Variants in PTPRD observed in about 807,000 individuals in gnomAD.
PTPRD encodes receptor-type tyrosine-protein phosphatase delta.
PTPRD carries 34 observed loss-of-function variants against 214.5 expected under a neutral mutation model. The observed-to-expected ratio is 0.16, with a 90% CI of 0.12 to 0.21. PTPRD has a LOEUF of 0.21. Ranked by LOEUF, PTPRD falls within the 10% of genes least tolerant of loss-of-function variation. The pLI is 1.00. For missense variants in PTPRD, 2,545 were observed against 2,398.7 expected, an observed-to-expected ratio of 1.06 and a Z score of -1.27; for synonymous variants, 1,128 against 845.7, an observed-to-expected ratio of 1.33 and a Z score of -5.79.
At chr9:8,774,030 A>G (rs886401837) in intron 11 of PTPRD, among the ~76,000 whole-genome samples, 42 of 152,276 alleles carry the variant, frequency 2.8e-4, no homozygotes, top group African/African-American at 9.9e-4. Context: ...GCCATCTATT[A>G]TCCAATCTCC....
At chr9:9,948,988 C>T (rs550973752) in intron 4 of PTPRD, among the ~76,000 whole-genome samples, 2 of 151,984 alleles carry the variant, frequency 1.3e-5, no homozygotes, top group Admixed American at 1.3e-4. Flanking sequence ...GCAATGTCAG[C>T]ATGGGGGGGC....
intron 44 of PTPRD, among the ~76,000 whole-genome samples, chr9:8,322,315 G>C (rs1829201338): frequency 1.3e-5 from 2 of 152,132 alleles, no homozygotes; most frequent in African/African-American, 4.8e-5. Context: ...TTAAAGCCCA[G>C]ATGTGCTGAA....
At chr9:8,485,634 T>C (rs2096985101) in intron 28 of PTPRD, 128 bp downstream of exon 28, 7 of 864,186 alleles carry the variant, frequency 8.1e-6, no homozygotes, top group Admixed American at 2.9e-5. Flanking sequence ...TTTTACATAC[T>C]TTACCTTTTT....
chr9:8,433,720 C>G (rs528639795), intron 35 of PTPRD, among the ~76,000 whole-genome samples: 35 of 152,106 alleles, frequency 2.3e-4, no homozygotes, highest in African/African-American at 8.4e-4. Context: ...GTGTTTTAAG[C>G]TAAGTGATAT....
In PTPRD at chr9:8,614,674, T is replaced by A. The variant is rs376266058; in HGVS notation, c.352+18643A>T. Among the ~76,000 whole-genome samples, 4 of 152,238 alleles carry A rather than the reference T, an allele frequency of 2.6e-5. No individual in the cohort carries two copies. The South Asian group carries it at 8.3e-4, about 32-fold the overall frequency. On this transcript the variant is annotated intron_variant, in intron 14 of 45. Coordinates refer to ENST00000381196, the MANE Select transcript of PTPRD (RefSeq NM_002839.4). ...GAAATAAGAGGGCATATAAGGGATCTGGCACATTGGGATCTTGGACCTTTA... is the reference window on the plus strand; with the variant it reads ...GAAATAAGAGGGCATATAAGGGATCAGGCACATTGGGATCTTGGACCTTTA...
intron 14 of PTPRD, among the ~76,000 whole-genome samples, chr9:8,631,795 G>A (rs1222458077): frequency 1.3e-5 from 2 of 151,504 alleles, no homozygotes; most frequent in Non-Finnish European, 1.5e-5. Context: ...TCCCTCCCTT[G>A]TTTTTAGCAA....
chr9:8,376,971 T>G (rs1273707529), intron 37 of PTPRD, among the ~76,000 whole-genome samples: 1 of 152,138 alleles, frequency 6.6e-6, no homozygotes, highest in Non-Finnish European at 1.5e-5. Context: ...GAAAAATAAG[T>G]TGCAGATTGT....
chr9:9,155,800 A>G (rs576787628), intron 10 of PTPRD, among the ~76,000 whole-genome samples: 1 of 152,082 alleles, frequency 6.6e-6, no homozygotes, highest in Non-Finnish European at 1.5e-5. Context: ...TAGTTTGAAA[A>G]CCACTAATTT....
At chr9:8,557,005 A>G (rs771433103) in intron 14 of PTPRD, among the ~76,000 whole-genome samples, 1 of 152,160 alleles carries the variant, frequency 6.6e-6, no homozygotes, top group South Asian at 2.1e-4. Context: ...TGGTTGTTTC[A>G]TATCAGCACA....
At chr9:9,718,484 A>G (rs1242974469) in intron 7 of PTPRD, among the ~76,000 whole-genome samples, 1 of 152,136 alleles carries the variant, frequency 6.6e-6, no homozygotes, top group Non-Finnish European at 1.5e-5. Context: ...CTAAATAGTG[A>G]GGTGGGAGCT....
chr9:10,132,080 T>A (rs950696802), intron 3 of PTPRD, among the ~76,000 whole-genome samples: 2 of 152,126 alleles, frequency 1.3e-5, no homozygotes, highest in African/African-American at 2.4e-5. Context: ...TGAGGCAAAA[T>A]TCATCACTGA....
At chr9:9,933,642 C>T (rs1203768794) in intron 5 of PTPRD, among the ~76,000 whole-genome samples, 3 of 149,310 alleles carry the variant, frequency 2.0e-5, no homozygotes, top group Non-Finnish European at 1.5e-5. Flanking sequence ...GACTTTAACA[C>T]CCCACTGTCA....
At chr9:8,374,532 G>A (rs1481073791) in intron 39 of PTPRD, among the ~76,000 whole-genome samples, 2 of 152,052 alleles carry the variant, frequency 1.3e-5, no homozygotes, top group African/African-American at 4.8e-5. Flanking sequence ...TGTCTTGGAT[G>A]TAGGGAAACA....
At chr9:8,706,877 G>A (rs1161709398) in intron 12 of PTPRD, among the ~76,000 whole-genome samples, 1 of 152,174 alleles carries the variant, frequency 6.6e-6, no homozygotes, top group East Asian at 1.9e-4. Flanking sequence ...ATGTCCACAG[G>A]TTAGCATTAT....
At chr9:9,333,704 A>G (rs1008579835) in intron 9 of PTPRD, among the ~76,000 whole-genome samples, 17 of 151,608 alleles carry the variant, frequency 1.1e-4, no homozygotes, top group African/African-American at 3.9e-4. Flanking sequence ...CAGTTGATAG[A>G]TATTTCCAAC....
intron 11 of PTPRD, among the ~76,000 whole-genome samples, chr9:8,904,586 C>G (rs988031509): frequency 6.6e-6 from 1 of 150,990 alleles, no homozygotes; most frequent in Non-Finnish European, 1.5e-5. Context: ...GCATGGGAAT[C>G]GCTTGAACCC....
chr9:9,398,737 T>C (rs932308553), intron 8 of PTPRD, among the ~76,000 whole-genome samples: 32 of 151,860 alleles, frequency 2.1e-4, no homozygotes, highest in Admixed American at 1.6e-3. Context: ...ACATGTTTTT[T>C]CCCCCCACAG....
intron 7 of PTPRD, among the ~76,000 whole-genome samples, chr9:9,592,550 A>G (rs631740): frequency 0.38 from 56,950 of 151,764 alleles, 11,088 homozygotes; most frequent in Non-Finnish European, 0.4. Context: ...AGAGGATTTG[A>G]GCATCGAGCA....
At chr9:9,683,556 T>A (rs1595129200) in intron 7 of PTPRD, among the ~76,000 whole-genome samples, 1 of 151,754 alleles carries the variant, frequency 6.6e-6, no homozygotes, top group East Asian at 1.9e-4. Context: ...AAGCATAACA[T>A]CCCTAGTTTG....
Sources: gnomAD v4.1 joint callset for allele counts (sites outside exome capture counted in the v4.1 genomes callset) on GRCh38, gnomAD v4.1.1 for gene constraint, MANE v1.5 for transcripts, NCBI Gene and HGNC (gene_info 2026-07-23, HGNC 2026-07-21) for gene names.